Variants in CACNA2D3 observed in about 807,000 individuals in gnomAD.
CACNA2D3 encodes the protein calcium voltage-gated channel auxiliary subunit alpha2delta 3.
In CACNA2D3, 60 loss-of-function variants were observed where a neutral mutation model predicts 160.6. That is an observed-to-expected ratio of 0.37 (90% CI 0.30 to 0.46). The LOEUF is 0.46. Among genes scored for constraint, CACNA2D3 ranks in the 20% least tolerant of loss-of-function variants. The pLI is 1.00. For missense variants in CACNA2D3, 1,205 were observed against 1,365.0 expected (o/e 0.88, Z 1.85); for synonymous variants, 558 against 492.9 (o/e 1.13, Z -1.75).
At chr3:54,934,254 C>G (rs1279242658) in intron 27 of CACNA2D3, among the ~76,000 whole-genome samples, 1 of 152,150 alleles carries the variant, frequency 6.6e-6, no homozygotes, top group Non-Finnish European at 1.5e-5. Flanking sequence ...TTACACAACC[C>G]ATTCTTTTGA....
intron 3 of CACNA2D3, among the ~76,000 whole-genome samples, chr3:54,380,080 A>G (rs1409133082): frequency 6.6e-6 from 1 of 152,232 alleles, no homozygotes; most frequent in Non-Finnish European, 1.5e-5. Context: ...GAAAATGTAA[A>G]TCTGAACAAC....
At chr3:54,800,952 C>T (rs1292039058) in intron 13 of CACNA2D3, among the ~76,000 whole-genome samples, 1 of 151,772 alleles carries the variant, frequency 6.6e-6, no homozygotes, top group Non-Finnish European at 1.5e-5. Flanking sequence ...AAAGGCTTAT[C>T]CAGATAATCT....
chr3:54,141,081 G>GTGTGTGTGTT (rs1245542056), intron 2 of CACNA2D3, among the ~76,000 whole-genome samples: 1 of 122,632 alleles, frequency 8.2e-6, no homozygotes, highest in African/African-American at 3.4e-5. Flanking sequence ...GTGTGTGTGT[G>GTGTGTGTGTT]TGTGTGCGCG....
At chr3:54,958,083 GT>G (rs1487217969) in intron 27 of CACNA2D3, among the ~76,000 whole-genome samples, 2 of 152,218 alleles carry the variant, frequency 1.3e-5, no homozygotes, top group African/African-American at 4.8e-5. Flanking sequence ...GCTTCTCTAG[GT>G]ACAGGGAATA....
intron 8 of CACNA2D3, among the ~76,000 whole-genome samples, chr3:54,581,122 G>T (rs9834835): frequency 1.3e-5 from 2 of 151,928 alleles, no homozygotes; most frequent in Non-Finnish European, 2.9e-5. Context: ...TGTAAGGACC[G>T]GCCTCCCTGC....
At chr3:54,609,839 ATGT>A (rs759170911) in intron 9 of CACNA2D3, among the ~76,000 whole-genome samples, 49 of 152,316 alleles carry the variant, frequency 3.2e-4, no homozygotes, top group South Asian at 1.0e-3. Context: ...GATTTGGGAA[ATGT>A]TGTTGTGTAC....
At chr3:54,732,833 A>C (rs1701416617) in intron 11 of CACNA2D3, among the ~76,000 whole-genome samples, 2 of 152,238 alleles carry the variant, frequency 1.3e-5, no homozygotes, top group Non-Finnish European at 2.9e-5. Context: ...CCCTCGAAAA[A>C]GTCAAAAGGT....
At chr3:54,505,918 C>G (rs1701361381) in intron 5 of CACNA2D3, among the ~76,000 whole-genome samples, 2 of 152,194 alleles carry the variant, frequency 1.3e-5, no homozygotes, top group Non-Finnish European at 2.9e-5. Context: ...CAGAGATAGT[C>G]AGATTTTTTG....
intron 4 of CACNA2D3, among the ~76,000 whole-genome samples, chr3:54,481,847 G>A (rs1328194520): frequency 6.6e-6 from 1 of 152,184 alleles, no homozygotes; most frequent in African/African-American, 2.4e-5. Flanking sequence ...GTGCAAATGT[G>A]CTCACACCAC....
intron 3 of CACNA2D3, among the ~76,000 whole-genome samples, chr3:54,356,944 T>C (rs959656770): frequency 3.9e-5 from 6 of 152,136 alleles, no homozygotes; most frequent in African/African-American, 1.4e-4. Context: ...TTAGCAAAAA[T>C]ACAGTTGCAT....
At chr3:54,482,575 A>G (rs1216355688) in intron 4 of CACNA2D3, among the ~76,000 whole-genome samples, 1 of 152,108 alleles carries the variant, frequency 6.6e-6, no homozygotes, top group Admixed American at 6.6e-5. Context: ...TAGGGCAGGG[A>G]TTTATATTAT....
At chr3:54,891,232 T>TGTG in intron 24 of CACNA2D3, 123 bp from the exon 25 acceptor site, 1 of 634,920 alleles carries the variant, frequency 1.6e-6, no homozygotes, top group East Asian at 2.8e-5. Context: ...TTTCTGTATC[T>TGTG]TCTTTTAAAG....
At chr3:55,064,869 T>C (rs898789858) in intron 35 of CACNA2D3, among the ~76,000 whole-genome samples, 3 of 151,994 alleles carry the variant, frequency 2.0e-5, no homozygotes, top group African/African-American at 4.8e-5. Flanking sequence ...TTAAGATATA[T>C]AGGGAAACGG....
At chr3:54,867,333 G>A (rs1184882) in intron 17 of CACNA2D3, among the ~76,000 whole-genome samples, 11,006 of 152,184 alleles carry the variant, frequency 0.072, 681 homozygotes, top group African/African-American at 0.17. Context: ...AGACGCAATC[G>A]TGTATCTTGG....
At chr3:54,576,178 T>C (rs897686452) in intron 8 of CACNA2D3, among the ~76,000 whole-genome samples, 2 of 152,202 alleles carry the variant, frequency 1.3e-5, no homozygotes, top group African/African-American at 4.8e-5. Context: ...AACCTTCTGT[T>C]AGGCCTGAAA....
chr3:54,870,131 T>G (rs759547247), intron 17 of CACNA2D3, among the ~76,000 whole-genome samples: 1 of 151,758 alleles, frequency 6.6e-6, no homozygotes, highest in African/African-American at 2.4e-5. Context: ...AAGAAAAGAG[T>G]GCATGCGTGG....
intron 4 of CACNA2D3, among the ~76,000 whole-genome samples, chr3:54,450,466 G>GA (rs1700287172): frequency 6.6e-6 from 1 of 152,038 alleles, no homozygotes; most frequent in Non-Finnish European, 1.5e-5. Flanking sequence ...ATTGAAATTT[G>GA]ATCCCCATTG....
chr3:54,535,365 G>T lies in CACNA2D3; in HGVS notation c.545-27435G>T, dbSNP rs529011183. 2.0e-5 allele frequency among the ~76,000 whole-genome samples: 3 copies of T among 152,292 alleles called. No individual in the cohort carries two copies. In the South Asian group the frequency reaches 6.2e-4, roughly 32 times the overall value. On this transcript the variant is annotated intron_variant, in intron 5 of 37. Coordinates refer to ENST00000474759, the MANE Select transcript of CACNA2D3 (RefSeq NM_018398.3). ...AGTAAGTTCTAAGAAATATTTAAAT[G>T]AATAAGCAAATATTCAGTGTCCTTT...
At chr3:54,816,918 C>T in intron 14 of CACNA2D3, 48 bp downstream of exon 14, 1 of 1,598,068 alleles carries the variant, frequency 6.3e-7, no homozygotes, top group South Asian at 1.1e-5. Flanking sequence ...ACTCACGAGT[C>T]ATGCATGCCT....
Sources: gnomAD v4.1 joint callset for allele counts (sites outside exome capture counted in the v4.1 genomes callset) on GRCh38, gnomAD v4.1.1 for gene constraint, MANE v1.5 for transcripts, NCBI Gene and HGNC (gene_info 2026-07-23, HGNC 2026-07-21) for gene names.